The following MCF2L variants were observed in gnomAD, a reference collection of about 807,000 sequenced individuals.
MCF2L encodes MCF.2 cell line derived transforming sequence like, also known as guanine nucleotide exchange factor DBS.
Under a neutral mutation model 153.4 loss-of-function variants are expected in MCF2L, and 97 were observed. That is an observed-to-expected ratio of 0.63 (90% CI 0.54 to 0.75). The LOEUF is 0.75. Ranked by LOEUF, MCF2L falls within the 30% of genes least tolerant of loss-of-function variation. The pLI is 0.00. For synonymous variants in MCF2L, 659 were observed against 632.2 expected (o/e 1.04, Z -0.64); for missense variants, 1,347 against 1,495.2 (o/e 0.90, Z 1.64).
chr13:112,982,758 G>A (rs2082483877), intron 1 of MCF2L, among the ~76,000 whole-genome samples: 1 of 152,204 alleles, frequency 6.6e-6, no homozygotes, highest in Non-Finnish European at 1.5e-5. Flanking sequence ...AAGGGACTTG[G>A]CGTGATGTCT....
At chr13:112,948,808 G>A (rs1419890868) in intron 2 of MCF2L, among the ~76,000 whole-genome samples, 1 of 152,240 alleles carries the variant, frequency 6.6e-6, no homozygotes, top group East Asian at 1.9e-4. Context: ...ACTCATGCCT[G>A]TAATCTCAGC....
intron 1 of MCF2L, among the ~76,000 whole-genome samples, chr13:112,894,914 G>A (rs903510878): frequency 9.9e-6 from 1 of 101,502 alleles, no homozygotes; most frequent in Non-Finnish European, 2.3e-5. Context: ...GGGTCCGGCT[G>A]GGGTCGGGCC....
chr13:113,096,584 T>C lies in MCF2L; in HGVS notation c.3223T>C (p.Trp1075Arg). 6.2e-7 allele frequency: 1 copy of C among 1,604,164 alleles called. No homozygotes were observed. Among genetic ancestry groups the C allele is most frequent in the Non-Finnish European group, 8.5e-7 (1 of 1,178,362 alleles). ...VRDPTTGKEG[W>R]VPASSLSVRL... ...GGACCCGACCACTGGCAAGGAGGGC[T>C]GGGTGCCGGCCAGCAGCCTGTCCGT... The change falls in exon 29 of 30, where the codon TGG becomes CGG. Residue 1075 changes from tryptophan (W) to arginine (R), a missense_variant. Coordinates refer to ENST00000535094, the MANE Select transcript of MCF2L (RefSeq NM_001112732.3).
intron 2 of MCF2L, among the ~76,000 whole-genome samples, chr13:113,017,830 T>C (rs1260849532): frequency 6.6e-6 from 1 of 152,256 alleles, no homozygotes; most frequent in African/African-American, 2.4e-5. Context: ...CGTGGACTTT[T>C]GCTTAATTCC....
At chr13:112,971,572 C>T (rs189463034) in intron 1 of MCF2L, among the ~76,000 whole-genome samples, 31 of 152,302 alleles carry the variant, frequency 2.0e-4, no homozygotes, top group Admixed American at 1.9e-3. Context: ...TGCTGCTGTC[C>T]AGGACATGCT....
chr13:112,903,716 C>T (rs890888359), intron 2 of MCF2L, among the ~76,000 whole-genome samples: 5 of 152,196 alleles, frequency 3.3e-5, no homozygotes, highest in Non-Finnish European at 7.3e-5. Context: ...GTGACTGTCA[C>T]GAATGAGAGG....
chr13:112,952,257 C>T (rs1175407639), intron 2 of MCF2L, among the ~76,000 whole-genome samples: 1 of 152,186 alleles, frequency 6.6e-6, no homozygotes, highest in Non-Finnish European at 1.5e-5. Flanking sequence ...CGGGCTCCCT[C>T]CTGCTCTCTG....
intron 1 of MCF2L, among the ~76,000 whole-genome samples, chr13:113,004,281 G>T (rs969316038): frequency 6.6e-6 from 1 of 152,210 alleles, no homozygotes; most frequent in Non-Finnish European, 1.5e-5. Flanking sequence ...GCGTCCATCT[G>T]CCCGTCAGTG....
chr13:113,091,156 CA>C, intron 26 of MCF2L: 1 of 1,301,198 alleles, frequency 7.7e-7, no homozygotes, highest in Non-Finnish European at 1.0e-6. Flanking sequence ...AGCCAAGCGG[CA>C]TGAAGTAAAG....
chr13:113,084,616 C>T (rs1038633393), intron 18 of MCF2L: 2 of 494,604 alleles, frequency 4.0e-6, no homozygotes, highest in East Asian at 3.2e-5. Flanking sequence ...AGAATGGCTG[C>T]GGTGGAACCC....
At chr13:112,900,458 A>T (rs1388950292) in intron 1 of MCF2L, among the ~76,000 whole-genome samples, 2 of 152,194 alleles carry the variant, frequency 1.3e-5, no homozygotes, top group Non-Finnish European at 2.9e-5. Context: ...TGTATGAAAA[A>T]CCACACAGGA....
At chr13:112,920,732 G>A (rs2081343706) in intron 2 of MCF2L, among the ~76,000 whole-genome samples, 1 of 151,576 alleles carries the variant, frequency 6.6e-6, no homozygotes, top group Admixed American at 6.6e-5. Flanking sequence ...CGGGGGGCTT[G>A]CAGGGAGGAC....
intron 4 of MCF2L, among the ~76,000 whole-genome samples, chr13:113,055,371 C>CA (rs772227289): frequency 1.6e-5 from 1 of 62,308 alleles, no homozygotes; most frequent in Non-Finnish European, 3.2e-5. Flanking sequence ...AGACGTGGAC[C>CA]CCCCCCCCCG....
intron 1 of MCF2L, among the ~76,000 whole-genome samples, chr13:112,994,213 C>T (rs548036007): frequency 2.8e-5 from 4 of 144,534 alleles, no homozygotes; most frequent in Non-Finnish European, 6.0e-5. Flanking sequence ...CAACGGGGCA[C>T]GGTGCGTGGG....
At chr13:112,920,763 G>C (rs2081344017) in intron 2 of MCF2L, among the ~76,000 whole-genome samples, 1 of 151,976 alleles carries the variant, frequency 6.6e-6, no homozygotes, top group Non-Finnish European at 1.5e-5. Flanking sequence ...TCTTCCAGGT[G>C]GACAGGATTC....
At chr13:113,041,597 C>T (rs1050379729) in intron 3 of MCF2L, among the ~76,000 whole-genome samples, 1 of 152,178 alleles carries the variant, frequency 6.6e-6, no homozygotes, top group African/African-American at 2.4e-5. Flanking sequence ...CCCATGACCA[C>T]AGTCAGTATG....
At chr13:112,895,023 C>G (rs1028791343) in intron 1 of MCF2L, among the ~76,000 whole-genome samples, 1 of 152,052 alleles carries the variant, frequency 6.6e-6, no homozygotes, top group African/African-American at 2.4e-5. Context: ...GGCCAGGGTC[C>G]CCTTGGCCAC....
At chr13:113,047,245 A>G (rs1343824180) in intron 4 of MCF2L, 2 of 152,234 alleles carry the variant, frequency 1.3e-5, no homozygotes, top group African/African-American at 4.8e-5. Flanking sequence ...TGGGAATCGC[A>G]TTTCAACATG....
At chr13:113,092,050 T>C (rs559574425) in intron 26 of MCF2L, among the ~76,000 whole-genome samples, 17 of 152,308 alleles carry the variant, frequency 1.1e-4, no homozygotes, top group African/African-American at 3.8e-4. Context: ...GGCGCCCGGC[T>C]TGCTGCTTCG....
Sources: gnomAD v4.1 joint callset for allele counts (sites outside exome capture counted in the v4.1 genomes callset) on GRCh38, gnomAD v4.1.1 for gene constraint, MANE v1.5 for transcripts, NCBI Gene and HGNC (gene_info 2026-07-23, HGNC 2026-07-21) for gene names.